The following TRARG1 variants were observed in gnomAD, a reference collection of about 807,000 sequenced individuals.
TRARG1 encodes trafficking regulator of GLUT4 1.
In TRARG1, 16 loss-of-function variants were observed where a neutral mutation model predicts 13.3. The ratio of observed to expected loss-of-function variants is 1.20; its 90% CI spans 0.81 to 1.83. The LOEUF is 1.83. Among genes scored for constraint, TRARG1 ranks in the 40% most tolerant of loss-of-function variants. The probability of loss-of-function intolerance (pLI) is 0.00; values close to 1 mark genes in which losing one functional copy is unlikely to be tolerated. For missense variants in TRARG1, 250 were observed against 237.4 expected (o/e 1.05, Z -0.35); for synonymous variants, 113 against 106.2 (o/e 1.06, Z -0.39).
Position 1,299,312 on chromosome 17 carries a change from A to G in TRARG1, c.*1048A>G, listed in dbSNP as rs2072137505. 6.6e-6 allele frequency: 1 copy of G among 152,256 alleles called. No individual in the cohort carries two copies. Among genetic ancestry groups the G allele is most frequent in the African/African-American group, 2.4e-5 (1 of 41,442 alleles). 9.4% of individuals were successfully genotyped at this position (152,256 alleles called of 1,614,324 possible). A position where few individuals can be genotyped will look rare whatever the true frequency, so the allele number is the denominator to read the frequency against. Reference sequence around the variant, plus strand: ...GGACCACCCCTGGGGGGACTTCCCAAAGGGTCCCAGGCTGTCAGGGGCGTT... The same window carrying G: ...GGACCACCCCTGGGGGGACTTCCCAGAGGGTCCCAGGCTGTCAGGGGCGTT... On this transcript the variant is annotated 3_prime_UTR_variant, in exon 3 of 3. Coordinates refer to ENST00000333813, the MANE Select transcript of TRARG1 (RefSeq NM_172367.3).
At chr17:1,294,853 T>G (rs2072099563) in intron 1 of TRARG1, among the ~76,000 whole-genome samples, 1 of 152,052 alleles carries the variant, frequency 6.6e-6, no homozygotes, top group Admixed American at 6.6e-5. Flanking sequence ...GCCCAGCTAA[T>G]TTTTGTATTT....
chr17:1,290,701 C>A (rs1283180159), intron 1 of TRARG1, among the ~76,000 whole-genome samples: 1 of 152,052 alleles, frequency 6.6e-6, no homozygotes, highest in Non-Finnish European at 1.5e-5. Flanking sequence ...GTAAAATGGA[C>A]TAATCGCAAT....
intron 1 of TRARG1, among the ~76,000 whole-genome samples, chr17:1,294,992 C>T (rs1415629186): frequency 6.6e-6 from 1 of 152,136 alleles, no homozygotes; most frequent in Admixed American, 6.6e-5. Flanking sequence ...CTGACAATGT[C>T]TCTTTTTATG....
rs1318726311 is a variant in TRARG1, at chr17:1,280,394, T to C, written c.387+6T>C. ...CCCTCATCATTTCCATCATGGTAAGTGCTGGTCTTTGTTCCAGGGGCAGGG... is the reference window on the plus strand; with the variant it reads ...CCCTCATCATTTCCATCATGGTAAGCGCTGGTCTTTGTTCCAGGGGCAGGG... On this transcript the variant is annotated splice_donor_region_variant and intron_variant, in intron 1 of 2. Transcript: ENST00000333813. 2.5e-6 allele frequency: 4 copies of C among 1,575,600 alleles called. No individual in the cohort carries two copies. The highest frequency in any genetic ancestry group is 3.4e-6 in the Non-Finnish European group (4 of 1,161,714).
intron 1 of TRARG1, among the ~76,000 whole-genome samples, chr17:1,285,763 G>A (rs1169307377): frequency 6.6e-6 from 1 of 151,894 alleles, no homozygotes; most frequent in Non-Finnish European, 1.5e-5. Flanking sequence ...GGGGAGGGGA[G>A]GGGGAAACTG....
chr17:1,297,903 C>G lies in TRARG1; in HGVS notation c.521-348C>G, dbSNP rs2072123979. Among the ~76,000 whole-genome samples the G allele has an allele frequency of 2.0e-5, 3 of 152,184 alleles. No individual in the cohort carries two copies. The South Asian group carries it at 6.2e-4, about 31-fold the overall frequency. On this transcript the variant is annotated intron_variant, in intron 2 of 2. Transcript: ENST00000333813. ...GACAGGCGTGAGCTGCCGCAGCCGACCAGAGTGGTGCACATTTTAATCAGT... is the reference window on the plus strand; with the variant it reads ...GACAGGCGTGAGCTGCCGCAGCCGAGCAGAGTGGTGCACATTTTAATCAGT...
intron 2 of TRARG1, among the ~76,000 whole-genome samples, chr17:1,297,857 T>G (rs879651854): frequency 3.9e-4 from 59 of 152,166 alleles, no homozygotes; most frequent in Non-Finnish European, 6.9e-4. Flanking sequence ...TGCCCGCCTC[T>G]GCCTCCCAAA....
chr17:1,284,359 G>C (rs1462020433), intron 1 of TRARG1, among the ~76,000 whole-genome samples: 1 of 152,234 alleles, frequency 6.6e-6, no homozygotes, highest in Non-Finnish European at 1.5e-5. Flanking sequence ...TGCCGTAGCA[G>C]CACGCTGTAG....
chr17:1,279,691 C>G lies in TRARG1; in HGVS notation c.-311C>G, dbSNP rs375637171. ...TCTTCTCTCTGCTCTCTGAGCTTTC[C>G]GTTGCTTCCCTGCCCATCTGTGCTC... On this transcript the variant is annotated 5_prime_UTR_variant, in exon 1 of 3. Transcript: ENST00000333813. The G allele has an allele frequency of 5.6e-6, 2 of 355,704 alleles. No individual in the cohort carries two copies. The highest frequency in any genetic ancestry group is 2.1e-5 in the African/African-American group (1 of 48,310). 22.0% of individuals were successfully genotyped at this position (355,704 alleles called of 1,614,324 possible). A position where few individuals can be genotyped will look rare whatever the true frequency, so the allele number is the denominator to read the frequency against.
intron 1 of TRARG1, among the ~76,000 whole-genome samples, chr17:1,294,426 A>T (rs1357041059): frequency 6.9e-6 from 1 of 144,880 alleles, no homozygotes; most frequent in Non-Finnish European, 1.5e-5. Context: ...TTGAACGAGG[A>T]TGTGGTTCTT....
At chr17:1,295,093 C>T (rs1264297664) in intron 1 of TRARG1, among the ~76,000 whole-genome samples, 2 of 152,174 alleles carry the variant, frequency 1.3e-5, no homozygotes, top group Admixed American at 6.5e-5. Flanking sequence ...ATCCCAAAGC[C>T]GCTGCAGAAT....
chr17:1,293,486 T>TTTGATGATGTCGTGGGTTGTGC (rs2072087835), intron 1 of TRARG1, among the ~76,000 whole-genome samples: 1 of 149,968 alleles, frequency 6.7e-6, no homozygotes, highest in Non-Finnish European at 1.5e-5. Context: ...GTGGGTTGAG[T>TTTGATGATGTCGTGGGTTGTGC]TTGATGATGT....
At chr17:1,289,575 T>C (rs1026758793) in intron 1 of TRARG1, among the ~76,000 whole-genome samples, 4 of 151,152 alleles carry the variant, frequency 2.6e-5, no homozygotes, top group African/African-American at 4.9e-5. Flanking sequence ...TCCCTCCTTC[T>C]TTCCCATCTT....
chr17:1,295,236 G>T (rs1204877621), intron 1 of TRARG1, among the ~76,000 whole-genome samples: 1 of 152,246 alleles, frequency 6.6e-6, no homozygotes, highest in Non-Finnish European at 1.5e-5. Flanking sequence ...GAGAAGAAGT[G>T]CCAGGCTTTG....
chr17:1,282,532 G>A (rs1038610810), intron 1 of TRARG1, among the ~76,000 whole-genome samples: 2 of 151,334 alleles, frequency 1.3e-5, no homozygotes, highest in Non-Finnish European at 2.9e-5. Flanking sequence ...CACCACACCT[G>A]GCTAATTTTT....
intron 1 of TRARG1, among the ~76,000 whole-genome samples, chr17:1,288,461 TCATCCCCCACGGGTTCCC>T (rs2072041815): frequency 4.2e-5 from 1 of 24,014 alleles, no homozygotes; most frequent in Admixed American, 6.1e-4. Context: ...CACGGGTTCC[TCATCCCCCACGGGTTCCC>T]CATCCCCCAT....
At chr17:1,292,779 T>A (rs2072082033) in intron 1 of TRARG1, among the ~76,000 whole-genome samples, 1 of 152,186 alleles carries the variant, frequency 6.6e-6, no homozygotes, top group African/African-American at 2.4e-5. Flanking sequence ...CTCTCCTTTG[T>A]CATGCCACCC....
chr17:1,293,747 A>G (rs12939286), intron 1 of TRARG1, among the ~76,000 whole-genome samples: 71,627 of 151,790 alleles, frequency 0.47, 17,621 homozygotes, highest in African/African-American at 0.62. Context: ...ACGCTGTCCC[A>G]GACGGAGCTT....
intron 1 of TRARG1, among the ~76,000 whole-genome samples, chr17:1,293,209 G>A (rs540282046): frequency 8.0e-5 from 12 of 150,460 alleles, no homozygotes; most frequent in Admixed American, 2.0e-4. Context: ...GCTTGAACCC[G>A]GGAGGTGGAG....
Sources: allele counts gnomAD v4.1 joint callset (sites outside exome capture counted in the v4.1 genomes callset), GRCh38; gene constraint gnomAD v4.1.1; transcripts MANE v1.5; gene names NCBI Gene and HGNC (gene_info 2026-07-23, HGNC 2026-07-21).